The following SLIT3 variants were observed in gnomAD, a reference collection of about 807,000 sequenced individuals.
SLIT3 encodes the protein slit homolog 3 protein.
SLIT3 carries 68 observed loss-of-function variants against 184.0 expected under a neutral mutation model. The observed-to-expected ratio is 0.37, with a 90% CI of 0.30 to 0.45. SLIT3 has a LOEUF of 0.45. Ranked by LOEUF, SLIT3 falls within the 20% of genes least tolerant of loss-of-function variation. SLIT3 has a pLI of 1.00. For missense variants in SLIT3, 1,707 were observed against 2,026.0 expected (o/e 0.84, Z 3.02); for synonymous variants, 831 against 828.6 (o/e 1.00, Z -0.05).
intron 4 of SLIT3, among the ~76,000 whole-genome samples, chr5:168,935,967 G>A (rs1364516199): frequency 6.6e-6 from 1 of 152,218 alleles, no homozygotes; most frequent in Non-Finnish European, 1.5e-5. Flanking sequence ...CAGGCTGAAA[G>A]CAAATTTCAA....
chr5:168,818,668 T>G (rs538267765), intron 7 of SLIT3, among the ~76,000 whole-genome samples: 1 of 152,342 alleles, frequency 6.6e-6, no homozygotes, highest in African/African-American at 2.4e-5. Flanking sequence ...TATTACTGAG[T>G]GTCAGCCCTG....
intron 28 of SLIT3, among the ~76,000 whole-genome samples, chr5:168,694,591 C>T (rs939467981): frequency 3.9e-5 from 6 of 152,142 alleles, no homozygotes; most frequent in Non-Finnish European, 7.4e-5. Context: ...CTCTCTCTCT[C>T]TGTCTCTCTC....
At chr5:168,839,605 A>G (rs73310221) in intron 6 of SLIT3, among the ~76,000 whole-genome samples, 8,162 of 152,286 alleles carry the variant, frequency 0.054, 750 homozygotes, top group African/African-American at 0.19. Context: ...AATCTCACCT[A>G]TGGGAGCAAT....
At chr5:168,989,229 G>A (rs968512175) in intron 4 of SLIT3, among the ~76,000 whole-genome samples, 7 of 152,198 alleles carry the variant, frequency 4.6e-5, no homozygotes, top group South Asian at 2.1e-4. Context: ...TTTTGTTTTC[G>A]GTTAGGAATT....
chr5:168,696,545 G>A (rs938909515), intron 27 of SLIT3, 114 bp from the exon 28 acceptor site: 44 of 1,280,878 alleles, frequency 3.4e-5, no homozygotes, highest in Non-Finnish European at 4.4e-5. Context: ...TCCTCCAGAT[G>A]GAGGTCTGAG....
intron 5 of SLIT3, among the ~76,000 whole-genome samples, chr5:168,866,274 C>A (rs1759297758): frequency 6.6e-6 from 1 of 152,326 alleles, no homozygotes; most frequent in South Asian, 2.1e-4. Context: ...AACCAGAGGT[C>A]CTTTACCCTC....
chr5:169,258,635 G>C (rs948426397), intron 1 of SLIT3, among the ~76,000 whole-genome samples: 5 of 152,202 alleles, frequency 3.3e-5, no homozygotes, highest in African/African-American at 4.8e-5. Flanking sequence ...CTGCGACTTG[G>C]AGCTTTGTGG....
chr5:168,795,540 C>T lies in SLIT3; in HGVS notation c.974G>A (p.Gly325Glu), dbSNP rs756355762. 1 of 1,613,982 alleles carries T rather than the reference C, an allele frequency of 6.2e-7. No individual in the cohort carries two copies. The stretch of plus-strand genomic sequence containing the variant: ...CAGTTTCTTGTACTGGGTGAAGGCT[C>T]CTGCAGGGATGGCTTTGATGGAGTT... ...EQNSIKAIPA[G>E]AFTQYKKLKR... The change falls in exon 10 of 36, where the codon GGA becomes GAA. Residue 325 changes from glycine to glutamate, a missense_variant. Around this residue, in one of 3 missense-constraint regions of SLIT3, gnomAD observed 1,307 missense variants for 1,511.6 expected, o/e 0.86. Coordinates refer to ENST00000519560, the MANE Select transcript of SLIT3 (RefSeq NM_003062.4).
intron 25 of SLIT3, chr5:168,708,367 C>T (rs926935783): frequency 2.1e-5 from 11 of 522,202 alleles, no homozygotes; most frequent in East Asian, 6.5e-5. Flanking sequence ...TAGCCTGATC[C>T]GATTTTGGTG....
intron 23 of SLIT3, among the ~76,000 whole-genome samples, chr5:168,721,581 G>C (rs945993571): frequency 3.3e-5 from 5 of 152,216 alleles, no homozygotes; most frequent in African/African-American, 1.2e-4. Flanking sequence ...GTTTAAAGGG[G>C]CAGGGCTGCT....
rs369780022 is a variant in SLIT3 at position 169,106,572 on chromosome 5, C to T, written c.413+86907G>A. Among the ~76,000 whole-genome samples, 13 of 152,324 alleles carry T rather than the reference C, an allele frequency of 8.5e-5. No homozygotes were observed. The East Asian group carries it at 1.5e-3, about 18-fold the overall frequency. ...AATCACCAGTATTGAGTCTAACCCT[C>T]ATCATCCCTGATGCTTCACCATCTC... On this transcript the variant is annotated intron_variant, in intron 4 of 35. Transcript: ENST00000519560.
At chr5:169,061,063 A>G (rs771288829) in intron 4 of SLIT3, among the ~76,000 whole-genome samples, 9 of 152,158 alleles carry the variant, frequency 5.9e-5, no homozygotes, top group Non-Finnish European at 1.2e-4. Flanking sequence ...TATAAATAGA[A>G]TCTACCTTGT....
chr5:168,836,157 A>C (rs1399752106), intron 6 of SLIT3, among the ~76,000 whole-genome samples: 1 of 152,138 alleles, frequency 6.6e-6, no homozygotes, highest in Non-Finnish European at 1.5e-5. Context: ...AGGTCTATAG[A>C]AAAGCAGACT....
chr5:169,273,273 C>T (rs1187032990), intron 1 of SLIT3, among the ~76,000 whole-genome samples: 1 of 152,196 alleles, frequency 6.6e-6, no homozygotes, highest in Non-Finnish European at 1.5e-5. Flanking sequence ...CTCTCAAGTA[C>T]CTCTGGCTTT....
At chr5:168,721,362 G>C (rs1411269867) in intron 23 of SLIT3, among the ~76,000 whole-genome samples, 2 of 152,226 alleles carry the variant, frequency 1.3e-5, no homozygotes, top group African/African-American at 2.4e-5. Context: ...ATAATAACAA[G>C]TGAATATTTG....
intron 5 of SLIT3, among the ~76,000 whole-genome samples, chr5:168,882,387 G>T (rs74746193): frequency 0.012 from 1,869 of 152,318 alleles, 16 homozygotes; most frequent in Non-Finnish European, 0.019. Flanking sequence ...AGTAGGAGAA[G>T]CCAGGTAGGA....
intron 4 of SLIT3, among the ~76,000 whole-genome samples, chr5:168,943,855 T>C (rs1762393509): frequency 6.6e-6 from 1 of 152,202 alleles, no homozygotes; most frequent in Non-Finnish European, 1.5e-5. Context: ...TACAATGGCA[T>C]TGAAGAATAG....
At chr5:168,730,779 G>T (rs1268309234) in intron 20 of SLIT3, among the ~76,000 whole-genome samples, 1 of 151,966 alleles carries the variant, frequency 6.6e-6, no homozygotes, top group Non-Finnish European at 1.5e-5. Flanking sequence ...AAGGTAGAAA[G>T]ATCACAAATT....
chr5:168,803,075 T>A (rs1756826194), intron 9 of SLIT3, among the ~76,000 whole-genome samples: 1 of 152,232 alleles, frequency 6.6e-6, no homozygotes, highest in South Asian at 2.1e-4. Context: ...CTCAGACTTT[T>A]GGATTTCAAA....
Sources: allele counts gnomAD v4.1 joint callset (sites outside exome capture counted in the v4.1 genomes callset), GRCh38; gene constraint gnomAD v4.1.1; regional missense constraint gnomAD v4.1.1; transcripts MANE v1.5; gene names NCBI Gene and HGNC (gene_info 2026-07-23, HGNC 2026-07-21).